RIMS1: variants seen among roughly 807,000 people sequenced by gnomAD.
RIMS1 encodes regulating synaptic membrane exocytosis 1, also known as regulating synaptic membrane exocytosis protein 1.
RIMS1 carries 83 observed loss-of-function variants against 214.1 expected under a neutral mutation model. The observed-to-expected ratio is 0.39, with a 90% confidence interval of 0.32 to 0.47. The LOEUF (loss-of-function observed/expected upper bound fraction) is 0.47. RIMS1 is among the 20% of genes least tolerant of loss of function. The probability of loss-of-function intolerance (pLI) is 0.99; values close to 1 mark genes in which losing one functional copy is unlikely to be tolerated. For synonymous variants in RIMS1, 793 were observed against 786.8 expected (o/e 1.01, Z -0.13); for missense variants, 2,050 against 2,161.8 (o/e 0.95, Z 1.03).
At chr6:72,302,536 G>A (rs1158142384) in intron 26 of RIMS1, among the ~76,000 whole-genome samples, 1 of 151,352 alleles carries the variant, frequency 6.6e-6, no homozygotes, top group African/African-American at 2.4e-5. Context: ...AGCATAGGAG[G>A]TGTGTCATTT....
intron 3 of RIMS1, among the ~76,000 whole-genome samples, chr6:72,098,721 T>G (rs2032684769): frequency 6.6e-6 from 1 of 152,236 alleles, no homozygotes; most frequent in Non-Finnish European, 1.5e-5. Flanking sequence ...ATGGGTGTTA[T>G]GAAAATTAAA....
At chr6:71,974,137 C>T (rs1156369781) in intron 2 of RIMS1, among the ~76,000 whole-genome samples, 1 of 152,130 alleles carries the variant, frequency 6.6e-6, no homozygotes, top group Non-Finnish European at 1.5e-5. Context: ...AGGGAGGAGG[C>T]AGAGAACTGG....
chr6:72,366,046 A>C (rs1374816315), intron 29 of RIMS1, among the ~76,000 whole-genome samples: 1 of 152,220 alleles, frequency 6.6e-6, no homozygotes, highest in Non-Finnish European at 1.5e-5. Flanking sequence ...ATAAGGGTTA[A>C]TGGAAATGTG....
At position 72,203,073 on chromosome 6, in the gene RIMS1, C is replaced by T. The variant is rs146434932; in HGVS notation, c.1678+19924C>T. Among the ~76,000 whole-genome samples the T allele has an allele frequency of 4.4e-3, 666 of 152,210 alleles. 3 individuals carry two copies. The highest frequency in any genetic ancestry group is 6.6e-3 in the Non-Finnish European group (447 of 68,016). ...TGCGATCCCGACTCACTGCATGCTC[C>T]GTCTCCTAGGTTCACGCCATTCTCC... is the stretch of plus-strand genomic sequence containing the variant. On this transcript the variant is annotated intron_variant, in intron 6 of 33. Transcript: ENST00000521978.
intron 2 of RIMS1, among the ~76,000 whole-genome samples, chr6:71,977,418 T>C (rs184287702): frequency 1.3e-5 from 2 of 152,334 alleles, no homozygotes; most frequent in Admixed American, 6.5e-5. Flanking sequence ...TAGTTTGTAC[T>C]GTGTGCATAA....
intron 27 of RIMS1, among the ~76,000 whole-genome samples, chr6:72,311,553 C>T (rs1206972124): frequency 6.6e-6 from 1 of 152,024 alleles, no homozygotes; most frequent in Non-Finnish European, 1.5e-5. Context: ...ATATGAATTT[C>T]CTTTGAATTC....
At chr6:71,980,833 A>T (rs911623491) in intron 2 of RIMS1, among the ~76,000 whole-genome samples, 1 of 152,084 alleles carries the variant, frequency 6.6e-6, no homozygotes, top group Non-Finnish European at 1.5e-5. Context: ...TGACAAGTGG[A>T]TGTAGTTATG....
intron 1 of RIMS1, among the ~76,000 whole-genome samples, chr6:71,943,305 C>T (rs1252527654): frequency 1.3e-5 from 2 of 152,046 alleles, no homozygotes; most frequent in Non-Finnish European, 2.9e-5. Context: ...GAACAAGATT[C>T]CTTTGGGAAC....
intron 4 of RIMS1, among the ~76,000 whole-genome samples, chr6:72,149,156 T>C (rs571321455): frequency 3.3e-5 from 5 of 152,298 alleles, no homozygotes; most frequent in East Asian, 1.9e-4. Context: ...AAAACTTTAA[T>C]TGCTGCATCC....
chr6:72,122,628 G>A lies in RIMS1; in HGVS notation c.471+22642G>A, dbSNP rs2038646845. On this transcript the variant is annotated intron_variant, in intron 4 of 33. Transcript: ENST00000521978. ...TCCTGGACTTTTTTTGGTTTTTAGG[G>A]TATTAATTATTGCCTCAATTTCAGA... 3.3e-5 allele frequency among the ~76,000 whole-genome samples: 5 copies of A among 151,768 alleles called. No individual in the cohort carries two copies. In the South Asian group the frequency reaches 8.3e-4, roughly 25 times the overall value.
chr6:72,134,358 A>G (rs1045468748), intron 4 of RIMS1, among the ~76,000 whole-genome samples: 5 of 152,142 alleles, frequency 3.3e-5, no homozygotes, highest in African/African-American at 1.2e-4. Flanking sequence ...CATTCTCAGC[A>G]TTACACACAG....
intron 4 of RIMS1, among the ~76,000 whole-genome samples, chr6:72,177,460 C>G (rs1384300110): frequency 6.6e-6 from 1 of 152,098 alleles, no homozygotes; most frequent in African/African-American, 2.4e-5. Flanking sequence ...CCATGTTGGC[C>G]TGACTGATCT....
chr6:72,115,082 A>G (rs1366688527), intron 4 of RIMS1, among the ~76,000 whole-genome samples: 1 of 151,960 alleles, frequency 6.6e-6, no homozygotes, highest in African/African-American at 2.4e-5. Context: ...AAATCTTTCA[A>G]GTAACCCAGT....
chr6:72,217,882 T>C (rs917271459), intron 6 of RIMS1, among the ~76,000 whole-genome samples: 3 of 152,156 alleles, frequency 2.0e-5, no homozygotes, highest in Non-Finnish European at 2.9e-5. Flanking sequence ...GTGTGTGACC[T>C]TGGGTTAAAA....
intron 4 of RIMS1, among the ~76,000 whole-genome samples, chr6:72,170,211 A>C (rs1320185008): frequency 1.3e-5 from 1 of 77,138 alleles, no homozygotes; most frequent in Non-Finnish European, 2.5e-5. Context: ...TTCTCAATGA[A>C]GTTTTTTTGA....
intron 2 of RIMS1, among the ~76,000 whole-genome samples, chr6:72,075,976 T>G (rs1357866539): frequency 6.6e-6 from 1 of 152,220 alleles, no homozygotes; most frequent in African/African-American, 2.4e-5. Context: ...TGAGTAAATA[T>G]GCGAGTATGT....
At chr6:72,126,759 G>GT (rs1366653006) in intron 4 of RIMS1, 2 of 102,122 alleles carry the variant, frequency 2.0e-5, no homozygotes, top group East Asian at 2.8e-4. Flanking sequence ...TAATTAAAAA[G>GT]TTAAAAAAAA....
At chr6:72,010,407 T>C (rs1283811181) in intron 2 of RIMS1, among the ~76,000 whole-genome samples, 2 of 152,176 alleles carry the variant, frequency 1.3e-5, no homozygotes, top group Non-Finnish European at 1.5e-5. Context: ...GCATTCCCTT[T>C]GAAAACTGGC....
At chr6:72,019,741 C>T (rs1292415422) in intron 2 of RIMS1, among the ~76,000 whole-genome samples, 5 of 152,048 alleles carry the variant, frequency 3.3e-5, no homozygotes, top group Admixed American at 2.0e-4. Flanking sequence ...ATCTTGGCTC[C>T]GTGGGAATGT....
Sources: gnomAD v4.1 joint callset for allele counts (sites outside exome capture counted in the v4.1 genomes callset) on GRCh38, gnomAD v4.1.1 for gene constraint, MANE v1.5 for transcripts, NCBI Gene and HGNC (gene_info 2026-07-23, HGNC 2026-07-21) for gene names.